The following SEMA6D variants were observed in gnomAD, a reference collection of about 807,000 sequenced individuals.
The protein encoded by SEMA6D is semaphorin 6D, also known as semaphorin-6D.
In SEMA6D, 35 loss-of-function variants were observed where a neutral mutation model predicts 106.6. The ratio of observed to expected loss-of-function variants is 0.33; its 90% confidence interval spans 0.25 to 0.44. The LOEUF (loss-of-function observed/expected upper bound fraction) is 0.44. Ranked by LOEUF, SEMA6D falls within the 20% of genes least tolerant of loss-of-function variation. SEMA6D has a pLI of 1.00. For missense variants in SEMA6D, 1,185 were observed against 1,345.9 expected (o/e 0.88, Z 1.87); for synonymous variants, 499 against 487.7 (o/e 1.02, Z -0.31).
At chr15:47,270,374 C>T (rs1263119345) in intron 1 of SEMA6D, among the ~76,000 whole-genome samples, 18 of 151,600 alleles carry the variant, frequency 1.2e-4, no homozygotes. Context: ...TTTATAAATT[C>T]TTCAGGATTT....
At chr15:47,328,433 C>T (rs1272700680) in intron 1 of SEMA6D, among the ~76,000 whole-genome samples, 1 of 152,168 alleles carries the variant, frequency 6.6e-6, no homozygotes, top group Non-Finnish European at 1.5e-5. Context: ...CTAGACATTA[C>T]AGAAAAGACA....
At chr15:47,645,578 T>G (rs2077567861) in intron 4 of SEMA6D, among the ~76,000 whole-genome samples, 4 of 150,368 alleles carry the variant, frequency 2.7e-5, no homozygotes, top group Non-Finnish European at 4.4e-5. Context: ...TGTGTGGGGG[T>G]TTTTCCCCAC....
chr15:47,512,494 G>A (rs1016928820), intron 3 of SEMA6D, among the ~76,000 whole-genome samples: 1 of 152,232 alleles, frequency 6.6e-6, no homozygotes, highest in African/African-American at 2.4e-5. Context: ...GCACAGAAAT[G>A]TAGCATCATC....
At chr15:47,447,871 G>A (rs1771397916) in intron 2 of SEMA6D, among the ~76,000 whole-genome samples, 1 of 152,178 alleles carries the variant, frequency 6.6e-6, no homozygotes. Context: ...GACATTGCCA[G>A]AATTGAATTG....
At chr15:47,350,933 C>T (rs1352397098) in intron 1 of SEMA6D, among the ~76,000 whole-genome samples, 1 of 152,086 alleles carries the variant, frequency 6.6e-6, no homozygotes, top group Non-Finnish European at 1.5e-5. Context: ...TGTATGATAA[C>T]TTTCATTGCC....
At chr15:47,259,970 C>T (rs2033992039) in intron 1 of SEMA6D, among the ~76,000 whole-genome samples, 1 of 149,042 alleles carries the variant, frequency 6.7e-6, no homozygotes, top group Non-Finnish European at 1.5e-5. Flanking sequence ...CTCCTGTCAT[C>T]TCTATTGTAT....
chr15:47,199,709 A>C (rs1894593968), intron 1 of SEMA6D, among the ~76,000 whole-genome samples: 2 of 152,110 alleles, frequency 1.3e-5, no homozygotes, highest in Admixed American at 6.6e-5. Flanking sequence ...TTTGCAAGAA[A>C]ACTTGCTAAA....
At chr15:47,304,605 A>G (rs2036164178) in intron 1 of SEMA6D, among the ~76,000 whole-genome samples, 1 of 152,204 alleles carries the variant, frequency 6.6e-6, no homozygotes, top group South Asian at 2.1e-4. Flanking sequence ...ATGTCCCAAG[A>G]TGATCCAAAA....
chr15:47,636,533 G>A (rs113381859), intron 4 of SEMA6D, among the ~76,000 whole-genome samples: 2,178 of 152,108 alleles, frequency 0.014, 55 homozygotes, highest in African/African-American at 0.05. Flanking sequence ...TGTTCTCTTT[G>A]GCTACAATCC....
intron 1 of SEMA6D, among the ~76,000 whole-genome samples, chr15:47,403,085 C>T (rs1345173400): frequency 5.3e-5 from 8 of 152,090 alleles, no homozygotes; most frequent in African/African-American, 2.4e-5. Context: ...GTCAAGTTGG[C>T]GTACTATCTT....
intron 4 of SEMA6D, among the ~76,000 whole-genome samples, chr15:47,663,598 GA>G (rs1304003121): frequency 6.6e-6 from 1 of 152,166 alleles, no homozygotes; most frequent in Non-Finnish European, 1.5e-5. Context: ...ATTAGAACTA[GA>G]GGGGAGTATA....
chr15:47,550,756 G>C (rs558469130), intron 3 of SEMA6D, among the ~76,000 whole-genome samples: 1 of 152,088 alleles, frequency 6.6e-6, no homozygotes, highest in South Asian at 2.1e-4. Context: ...TTTTTCAAGA[G>C]GTACATGCTG....
At chr15:47,723,521 A>G (rs1467684254) in intron 1 of SEMA6D, among the ~76,000 whole-genome samples, 1 of 152,198 alleles carries the variant, frequency 6.6e-6, no homozygotes, top group Non-Finnish European at 1.5e-5. Context: ...TGAGAGCTGC[A>G]GCTGTTCAAG....
intron 2 of SEMA6D, among the ~76,000 whole-genome samples, chr15:47,431,879 A>C (rs1394304316): frequency 6.6e-6 from 1 of 152,118 alleles, no homozygotes; most frequent in Non-Finnish European, 1.5e-5. Flanking sequence ...ATTATAAATA[A>C]GCCTCTTATT....
Position 47,561,561 on chromosome 15 carries a change from T to A in SEMA6D, c.-86-39304T>A, listed in dbSNP as rs541428872. On this transcript the variant is annotated intron_variant, in intron 3 of 19. Transcript: ENST00000558014. ...AAGAAAAAAACTGAAGAATACAGGA[T>A]ATTTTAAATATAGGTAAATATATTT... Among the ~76,000 whole-genome samples the A allele has an allele frequency of 1.8e-3, 275 of 151,780 alleles. 2 individuals carry two copies. Among genetic ancestry groups the A allele is most frequent in the Non-Finnish European group, 3.0e-3 (204 of 67,828 alleles).
chr15:47,257,531 A>G (rs1249439449), intron 1 of SEMA6D, among the ~76,000 whole-genome samples: 1 of 151,974 alleles, frequency 6.6e-6, no homozygotes, highest in East Asian at 1.9e-4. Flanking sequence ...TATTTAATAG[A>G]CTTTTTCTTT....
At chr15:47,426,104 G>A (rs576565490) in intron 2 of SEMA6D, among the ~76,000 whole-genome samples, 126 of 152,066 alleles carry the variant, frequency 8.3e-4, no homozygotes, top group African/African-American at 3.0e-3. Context: ...ATTTTTGATA[G>A]GTTTCCAAAT....
At chr15:47,561,261 A>T (rs1596320777) in intron 3 of SEMA6D, among the ~76,000 whole-genome samples, 1 of 152,228 alleles carries the variant, frequency 6.6e-6, no homozygotes, top group Middle Eastern at 3.4e-3. Flanking sequence ...GATCCATCAC[A>T]TACAGGGGAA....
intron 1 of SEMA6D, among the ~76,000 whole-genome samples, chr15:47,719,679 T>G (rs2079307277): frequency 6.6e-6 from 1 of 152,242 alleles, no homozygotes; most frequent in Admixed American, 6.5e-5. Flanking sequence ...TTTCAAGGTT[T>G]CTTCCTTGTA....
Sources: gnomAD v4.1 joint callset for allele counts (sites outside exome capture counted in the v4.1 genomes callset) on GRCh38, gnomAD v4.1.1 for gene constraint, MANE v1.5 for transcripts, NCBI Gene and HGNC (gene_info 2026-07-23, HGNC 2026-07-21) for gene names.